Variants in PIEZO2 observed in about 807,000 individuals in gnomAD.
PIEZO2 encodes piezo-type mechanosensitive ion channel component 2.
Under a neutral mutation model 337.3 loss-of-function variants are expected in PIEZO2, and 172 were observed. The observed-to-expected ratio is 0.51, with a 90% CI of 0.45 to 0.58. The LOEUF (loss-of-function observed/expected upper bound fraction) is 0.58, where lower values mean the gene tolerates loss of function less well. PIEZO2 is among the 20% of genes least tolerant of loss of function. PIEZO2 has a pLI of 0.00. For missense variants in PIEZO2, 3,028 were observed against 3,391.3 expected (o/e 0.89, Z 2.66); for synonymous variants, 1,251 against 1,228.5 (o/e 1.02, Z -0.38).
intron 2 of PIEZO2, among the ~76,000 whole-genome samples, chr18:11,053,474 G>T (rs1191556136): frequency 6.6e-6 from 1 of 152,162 alleles, no homozygotes; most frequent in Non-Finnish European, 1.5e-5. Context: ...ATTTATTAGA[G>T]ACAGGGTTTC....
chr18:10,820,582 C>T (rs1205058094), intron 7 of PIEZO2, among the ~76,000 whole-genome samples: 1 of 152,038 alleles, frequency 6.6e-6, no homozygotes, highest in African/African-American at 2.4e-5. Flanking sequence ...TTTCTGTAAT[C>T]TTGAAAATAT....
intron 3 of PIEZO2, among the ~76,000 whole-genome samples, chr18:10,937,688 C>T (rs557919953): frequency 6.6e-6 from 1 of 152,286 alleles, no homozygotes; most frequent in Admixed American, 6.5e-5. Context: ...AATGCTTTGT[C>T]TCCCAAATTT....
At chr18:11,088,384 C>T (rs2038972826) in intron 1 of PIEZO2, among the ~76,000 whole-genome samples, 1 of 152,196 alleles carries the variant, frequency 6.6e-6, no homozygotes, top group Non-Finnish European at 1.5e-5. Flanking sequence ...TCTGTGACTT[C>T]CTATTCATTG....
chr18:10,757,582 TGAAAGATAAGGAAGAAAGATG>T (rs1432106292), intron 27 of PIEZO2, among the ~76,000 whole-genome samples: 1 of 140,458 alleles, frequency 7.1e-6, no homozygotes, highest in African/African-American at 2.7e-5. Flanking sequence ...GGATGAGGGA[TGAAAGATAAGGAAGAAAGATG>T]GGGGATGAGG....
rs1447579422 is a variant in PIEZO2 at position 10,807,126 on chromosome 18, G to A, written c.1066C>T (p.Leu356=). Residue 356 remains leucine, a synonymous_variant, in exon 8 of 56, where the codon CTG becomes TTG. Coordinates refer to ENST00000674853, the MANE Select transcript of PIEZO2 (RefSeq NM_001378183.1). The part of the protein sequence containing the change: ...YTLATLIRIW[L]QEPLVQDEGT... ...TTTGTCCTTACAAGGGGCTCTTGCA[G>A]CCAGATGCGGATCAGAGTGGCCAGA... The A allele has an allele frequency of 2.6e-6, 4 of 1,535,926 alleles. No homozygotes were observed. The East Asian group carries it at 9.8e-5, about 38-fold the overall frequency.
intron 40 of PIEZO2, among the ~76,000 whole-genome samples, chr18:10,706,919 G>A (rs992497518): frequency 3.3e-5 from 5 of 152,254 alleles, no homozygotes; most frequent in African/African-American, 9.6e-5. Flanking sequence ...TGCATAGACT[G>A]TACCCATGTT....
Position 10,994,277 on chromosome 18 carries a change from A to G in PIEZO2, c.161-14617T>C, listed in dbSNP as rs371222205. ...GGACAATTCCCATTTTTGCAATTGC[A>G]AATTGTGCTGCTATAAACATGCATA... is the stretch of plus-strand genomic sequence containing the variant. On this transcript the variant is annotated intron_variant, in intron 2 of 55. Transcript: ENST00000674853. 1.1e-4 allele frequency among the ~76,000 whole-genome samples: 16 copies of G among 152,328 alleles called. No individual in the cohort carries two copies. The South Asian group carries it at 2.5e-3, about 24-fold the overall frequency.
At chr18:10,719,013 A>T (rs2036138894) in intron 36 of PIEZO2, among the ~76,000 whole-genome samples, 1 of 150,846 alleles carries the variant, frequency 6.6e-6, no homozygotes, top group Non-Finnish European at 1.5e-5. Flanking sequence ...AAATAAATAA[A>T]TAAATAAATA....
chr18:10,831,756 C>G (rs1187519559), intron 7 of PIEZO2, among the ~76,000 whole-genome samples: 4 of 152,130 alleles, frequency 2.6e-5, no homozygotes, highest in Non-Finnish European at 5.9e-5. Flanking sequence ...CAAAATATCT[C>G]ATGTACCCCA....
At position 10,895,363 on chromosome 18, in the gene PIEZO2, T is replaced by A. The variant is rs1198307520; in HGVS notation, c.329+15823A>T. On this transcript the variant is annotated intron_variant, in intron 4 of 55. Transcript: ENST00000674853. This position sits in a 1 kb window ranked among gnomAD's most constrained non-coding sequence, Gnocchi z 4.8. The stretch of plus-strand genomic sequence containing the variant: ...CGGGAGGCTGAGGCAGGAGAATCGC[T>A]TGAACCTGGGTGGCAGAGGTTGCAG... 1.3e-5 allele frequency among the ~76,000 whole-genome samples: 2 copies of A among 151,904 alleles called. No homozygotes were observed. The highest frequency in any genetic ancestry group is 2.9e-5 in the Non-Finnish European group (2 of 67,970).
At chr18:10,832,303 AC>A (rs1326459821) in intron 7 of PIEZO2, among the ~76,000 whole-genome samples, 1 of 152,144 alleles carries the variant, frequency 6.6e-6, no homozygotes, top group East Asian at 1.9e-4. Flanking sequence ...GAACATTTCT[AC>A]TTTCTCATTA....
intron 27 of PIEZO2, among the ~76,000 whole-genome samples, chr18:10,756,734 C>T (rs1214247194): frequency 7.3e-6 from 1 of 137,630 alleles, no homozygotes; most frequent in African/African-American, 2.8e-5. Context: ...TAAAGATGAG[C>T]TATGGGGATG....
At chr18:11,023,701 G>A (rs1026525638) in intron 2 of PIEZO2, among the ~76,000 whole-genome samples, 2 of 152,196 alleles carry the variant, frequency 1.3e-5, no homozygotes, top group Admixed American at 6.5e-5. Flanking sequence ...AGCAGGGGGC[G>A]GCGCTCGTCC....
At chr18:10,723,563 T>C (rs1245077678) in intron 36 of PIEZO2, among the ~76,000 whole-genome samples, 1 of 152,148 alleles carries the variant, frequency 6.6e-6, no homozygotes, top group Non-Finnish European at 1.5e-5. Flanking sequence ...CATGTGTTTA[T>C]GCTGATGGAA....
chr18:11,148,465 C>A lies in PIEZO2; in HGVS notation c.64+60G>T. On this transcript the variant is annotated intron_variant, in intron 1 of 55. Transcript: ENST00000674853. This position sits in a 1 kb window ranked among gnomAD's most constrained non-coding sequence, Gnocchi z 5.2. ...GAGCCCTTCACTTTGTTAAGAAGTC[C>A]CCCACCCAGGCGCCCCCCTCGTCCT... The A allele has an allele frequency of 6.6e-7, 1 of 1,515,112 alleles. No homozygotes were observed. The highest frequency in any genetic ancestry group is 8.9e-7 in the Non-Finnish European group (1 of 1,127,224). The allele number at this position is 1,515,112 out of a possible 1,614,324, so 93.9% of individuals were successfully genotyped here.
intron 4 of PIEZO2, among the ~76,000 whole-genome samples, chr18:10,886,380 G>GTATATATATATATATA (rs1173330460): frequency 3.3e-4 from 1 of 3,040 alleles, no homozygotes; most frequent in Non-Finnish European, 4.3e-4. Flanking sequence ...GTGTGTGTGT[G>GTATATATATATATATA]TATATATATA....
At chr18:10,873,109 T>C (rs961541360) in intron 4 of PIEZO2, among the ~76,000 whole-genome samples, 5 of 152,200 alleles carry the variant, frequency 3.3e-5, no homozygotes, top group African/African-American at 1.2e-4. Context: ...GTTTACATTA[T>C]ATATTATATA....
chr18:11,082,676 G>GT (rs899420384), intron 1 of PIEZO2, among the ~76,000 whole-genome samples: 13 of 152,130 alleles, frequency 8.5e-5, no homozygotes, highest in South Asian at 4.1e-4. Flanking sequence ...AATTCTTAAA[G>GT]TTTTTTTTAT....
intron 36 of PIEZO2, among the ~76,000 whole-genome samples, chr18:10,723,551 A>G (rs1194545429): frequency 6.6e-6 from 1 of 152,170 alleles, no homozygotes; most frequent in Non-Finnish European, 1.5e-5. Flanking sequence ...GAGAAATAAC[A>G]GCATGTGTTT....
Sources: allele counts gnomAD v4.1 joint callset (sites outside exome capture counted in the v4.1 genomes callset), GRCh38; gene constraint gnomAD v4.1.1; non-coding constraint Gnocchi (gnomAD v3.1); transcripts MANE v1.5; gene names NCBI Gene and HGNC (gene_info 2026-07-23, HGNC 2026-07-21).